Variants in SMURF1 observed in about 807,000 individuals in gnomAD.
SMURF1 encodes SMAD specific E3 ubiquitin protein ligase 1.
In SMURF1, 44 loss-of-function variants were observed where a neutral mutation model predicts 98.0. That is an observed-to-expected ratio of 0.45 (90% CI 0.35 to 0.58). The LOEUF (loss-of-function observed/expected upper bound fraction) is 0.58. Among genes scored for constraint, SMURF1 ranks in the 20% least tolerant of loss-of-function variants. The pLI is 0.00. For missense variants in SMURF1, 687 were observed against 938.4 expected (o/e 0.73, Z 3.50); for synonymous variants, 396 against 374.9 (o/e 1.06, Z -0.65).
chr7:99,092,488 C>T (rs1796834430), intron 1 of SMURF1, among the ~76,000 whole-genome samples: 2 of 152,182 alleles, frequency 1.3e-5, no homozygotes, highest in African/African-American at 4.8e-5. Context: ...ATTGAGTCAT[C>T]GAACGTGCAT....
chr7:99,121,586 A>C (rs975436157), intron 1 of SMURF1, among the ~76,000 whole-genome samples: 1 of 152,166 alleles, frequency 6.6e-6, no homozygotes, highest in Non-Finnish European at 1.5e-5. Flanking sequence ...ACACTCCCAG[A>C]TCCTTCCCAA....
At chr7:99,128,536 T>C (rs368873265) in intron 1 of SMURF1, among the ~76,000 whole-genome samples, 71 of 152,342 alleles carry the variant, frequency 4.7e-4, no homozygotes, top group Middle Eastern at 3.4e-3. Flanking sequence ...GCTAAGCGTA[T>C]TACATAGCAA....
chr7:99,038,695 T>G (rs1215552052), intron 13 of SMURF1, among the ~76,000 whole-genome samples, 170 bp from the exon 14 acceptor site: 1 of 152,174 alleles, frequency 6.6e-6, no homozygotes, highest in Non-Finnish European at 1.5e-5. Context: ...TGGAGGACCC[T>G]GAGACCACAG....
At chr7:99,047,622 T>C (rs954396190) in intron 10 of SMURF1, 62 bp downstream of exon 10, 4 of 1,549,260 alleles carry the variant, frequency 2.6e-6, no homozygotes, top group Non-Finnish European at 3.6e-6. Flanking sequence ...TTGAGATTCC[T>C]TTGTCTGAAT....
chr7:99,105,455 C>T (rs1797174505), intron 1 of SMURF1, among the ~76,000 whole-genome samples: 1 of 152,208 alleles, frequency 6.6e-6, no homozygotes, highest in Non-Finnish European at 1.5e-5. Flanking sequence ...CAATTACACA[C>T]TACTCTATAC....
chr7:99,129,597 G>A (rs1797826790), intron 1 of SMURF1, among the ~76,000 whole-genome samples: 1 of 152,070 alleles, frequency 6.6e-6, no homozygotes. Flanking sequence ...TTGCTGTGTT[G>A]CCCCAGCTGG....
Position 99,133,857 on chromosome 7 carries a change from G to A in SMURF1, c.55+9869C>T, listed in dbSNP as rs191490614. ...GACGTACAACCACACATAACAATAC[G>A]GATAAATCTCACAAAAATAACATTG... On this transcript the variant is annotated intron_variant, in intron 1 of 17. Coordinates refer to ENST00000361368, the MANE Select transcript of SMURF1 (RefSeq NM_181349.3). Among the ~76,000 whole-genome samples, 74 of 152,234 alleles carry A rather than the reference G, an allele frequency of 4.9e-4. 3 individuals carry two copies. The highest frequency in any genetic ancestry group is 3.9e-3 in the Admixed American group (59 of 15,290).
Position 99,061,844 on chromosome 7 carries a change from A to C in SMURF1, c.56-7T>G. ...AGGTTCTTGGCACATAACACTAAAA[A>C]CAAAGAAAAATTACTCAGGTTAGCA... On this transcript the variant is annotated splice_region_variant and splice_polypyrimidine_tract_variant and intron_variant, in intron 1 of 17. Coordinates refer to ENST00000361368, the MANE Select transcript of SMURF1 (RefSeq NM_181349.3). The C allele has an allele frequency of 1.3e-6, 2 of 1,599,928 alleles. No homozygotes were observed. The highest frequency in any genetic ancestry group is 1.7e-6 in the Non-Finnish European group (2 of 1,173,464).
At chr7:99,099,251 G>A (rs1448930710) in intron 1 of SMURF1, among the ~76,000 whole-genome samples, 2 of 147,108 alleles carry the variant, frequency 1.4e-5, no homozygotes, top group Non-Finnish European at 3.0e-5. Flanking sequence ...ACTCTGGCAC[G>A]GGAGTAGAAA....
intron 11 of SMURF1, among the ~76,000 whole-genome samples, chr7:99,042,508 C>G (rs769802012): frequency 6.6e-6 from 1 of 152,236 alleles, no homozygotes; most frequent in Non-Finnish European, 1.5e-5. Context: ...CTCCTGACCT[C>G]AAATGATCCA....
intron 1 of SMURF1, among the ~76,000 whole-genome samples, chr7:99,088,194 G>A (rs1399864607): frequency 6.6e-6 from 1 of 151,716 alleles, no homozygotes; most frequent in African/African-American, 2.4e-5. Context: ...TTAGGTGGAG[G>A]CTGCAGTGAG....
chr7:99,032,050 A>G (rs957116042), intron 17 of SMURF1, among the ~76,000 whole-genome samples: 3 of 152,250 alleles, frequency 2.0e-5, no homozygotes, highest in African/African-American at 7.2e-5. Flanking sequence ...GATTCCAAGA[A>G]GATGGGGACC....
chr7:99,130,164 C>G (rs1797840091), intron 1 of SMURF1, among the ~76,000 whole-genome samples: 1 of 152,008 alleles, frequency 6.6e-6, no homozygotes, highest in Admixed American at 6.6e-5. Flanking sequence ...AAAAATACTC[C>G]CAAATAGGCT....
intron 1 of SMURF1, among the ~76,000 whole-genome samples, chr7:99,072,693 T>C (rs1233682796): frequency 6.6e-6 from 1 of 152,052 alleles, no homozygotes; most frequent in African/African-American, 2.4e-5. Context: ...TTTAGCAAGG[T>C]AATACACTGC....
At chr7:99,041,699 C>CT (rs1795392313) in intron 12 of SMURF1, among the ~76,000 whole-genome samples, 3 of 152,346 alleles carry the variant, frequency 2.0e-5, no homozygotes, top group Middle Eastern at 3.4e-3. Context: ...TTCTTCATCT[C>CT]TAAAACCAGC....
Position 99,052,085 on chromosome 7 carries a change from T to C in SMURF1, c.721+120A>G. On this transcript the variant is annotated intron_variant, in intron 7 of 17. Coordinates refer to ENST00000361368, the MANE Select transcript of SMURF1 (RefSeq NM_181349.3). ...GGGAGGTCAAGGCTGCCGTGAGCCA[T>C]GATCATGCCACTGCACTCCAGCATG... is the stretch of plus-strand genomic sequence containing the variant. 8 of 1,369,260 alleles carry C rather than the reference T, an allele frequency of 5.8e-6. No homozygotes were observed. In the South Asian group the frequency reaches 1.1e-4, roughly 19 times the overall value. 84.8% of individuals were successfully genotyped at this position (1,369,260 alleles called of 1,614,324 possible). A position where few individuals can be genotyped will look rare whatever the true frequency, so the allele number is the denominator to read the frequency against.
chr7:99,061,796 TACTG>T lies in SMURF1; in HGVS notation c.93_94+2del. 1.2e-6 allele frequency: 2 copies of T among 1,600,414 alleles called. No homozygotes were observed. The highest frequency in any genetic ancestry group is 1.7e-6 in the Non-Finnish European group (2 of 1,173,528). On this transcript the variant is annotated splice_donor_variant and coding_sequence_variant, in exon 2 of 18. Transcript: ENST00000361368. LOFTEE classifies it high-confidence loss of function. The stretch of plus-strand genomic sequence containing the variant: ...AGAGGGAAAAAAATAAGTGTTTACT[TACTG>T]AAGAAGTCTTTCTTTGCAAGGTTCT...
chr7:99,138,136 T>TA (rs985559406), intron 1 of SMURF1, among the ~76,000 whole-genome samples: 22 of 151,552 alleles, frequency 1.5e-4, no homozygotes, highest in African/African-American at 2.2e-4. Flanking sequence ...ATTCCTTGTT[T>TA]AAAAAAAAAT....
At chr7:99,118,556 A>G (rs1797514786) in intron 1 of SMURF1, among the ~76,000 whole-genome samples, 1 of 152,250 alleles carries the variant, frequency 6.6e-6, no homozygotes, top group Non-Finnish European at 1.5e-5. Context: ...CCACATACAT[A>G]TGATTTCATT....
Sources: gnomAD v4.1 joint callset for allele counts (sites outside exome capture counted in the v4.1 genomes callset) on GRCh38, gnomAD v4.1.1 for gene constraint, MANE v1.5 for transcripts, NCBI Gene and HGNC (gene_info 2026-07-23, HGNC 2026-07-21) for gene names.